Variants in ITPRID2 observed in about 807,000 individuals in gnomAD.
ITPRID2 encodes ITPR interacting domain containing 2.
A neutral mutation model predicts 124.3 loss-of-function variants in ITPRID2; 60 were observed. The ratio of observed to expected loss-of-function variants is 0.48; its 90% CI spans 0.39 to 0.60. The LOEUF (loss-of-function observed/expected upper bound fraction) is 0.60, where lower values mean the gene tolerates loss of function less well. Among genes scored for constraint, ITPRID2 ranks in the 20% least tolerant of loss-of-function variants. The probability of loss-of-function intolerance (pLI) is 0.00; values close to 1 mark genes in which losing one functional copy is unlikely to be tolerated. For synonymous variants in ITPRID2, 521 were observed against 542.9 expected, an observed-to-expected ratio of 0.96 and a Z score of 0.56; for missense variants, 1,553 against 1,512.2, an observed-to-expected ratio of 1.03 and a Z score of -0.45.
At chr2:181,921,316 A>G (rs1388839237) in intron 15 of ITPRID2, among the ~76,000 whole-genome samples, 1 of 151,970 alleles carries the variant, frequency 6.6e-6, no homozygotes, top group Admixed American at 6.5e-5. Flanking sequence ...CATCTCTACT[A>G]AAAATACAAA....
At chr2:181,899,728 C>A (rs1692507026) in intron 6 of ITPRID2, among the ~76,000 whole-genome samples, 1 of 152,138 alleles carries the variant, frequency 6.6e-6, no homozygotes, top group South Asian at 2.1e-4. Flanking sequence ...CCTGTAGTCA[C>A]AACCACTTGG....
At chr2:181,918,982 T>C in intron 13 of ITPRID2, 100 bp downstream of exon 13, 1 of 1,437,140 alleles carries the variant, frequency 7.0e-7, no homozygotes, top group Non-Finnish European at 9.4e-7. Flanking sequence ...TACTGCTGTG[T>C]ACCTTGTATC....
In ITPRID2 at chr2:181,919,261, T is replaced by G; in HGVS notation, c.2994-35T>G. ...TGTGATTAGGAATCTCCAAACTGCA[T>G]TTTTCCAATTTTGTGCCCTTCACCA... On this transcript the variant is annotated intron_variant, in intron 13 of 17. Transcript: ENST00000431877. The surrounding 1 kb of genome is among the most constrained non-coding windows in gnomAD (Gnocchi z 4.2). The G allele has an allele frequency of 6.2e-7, 1 of 1,610,924 alleles. No homozygotes were observed. The highest frequency in any genetic ancestry group is 8.5e-7 in the Non-Finnish European group (1 of 1,179,442).
At chr2:181,926,644 C>G (rs1325966183) in intron 16 of ITPRID2, among the ~76,000 whole-genome samples, 1 of 145,486 alleles carries the variant, frequency 6.9e-6, no homozygotes, top group Non-Finnish European at 1.5e-5. Flanking sequence ...ACCCAGGAGG[C>G]GGAGCTTGCA....
intron 8 of ITPRID2, among the ~76,000 whole-genome samples, chr2:181,908,586 T>A (rs993966895): frequency 6.6e-6 from 1 of 152,252 alleles, no homozygotes; most frequent in Non-Finnish European, 1.5e-5. Flanking sequence ...TCTATTTTTA[T>A]ATATCTGATC....
Position 181,913,946 on chromosome 2 carries a change from G to C in ITPRID2, c.1575+13G>C. ...TAATCATCTTCAGGTAAAATTTTCTGTTCTAATAGGCACTATGATTAACTT... is the reference window on the plus strand; with the variant it reads ...TAATCATCTTCAGGTAAAATTTTCTCTTCTAATAGGCACTATGATTAACTT... On this transcript the variant is annotated intron_variant, in intron 10 of 17. Transcript: ENST00000431877. 6.3e-7 allele frequency: 1 copy of C among 1,577,950 alleles called. No individual in the cohort carries two copies. Among genetic ancestry groups the C allele is most frequent in the African/African-American group, 1.3e-5 (1 of 74,166 alleles).
chr2:181,892,519 G>A lies in ITPRID2; in HGVS notation c.212-96G>A. On this transcript the variant is annotated intron_variant, in intron 1 of 17. Transcript: ENST00000431877. This position sits in a 1 kb window ranked among gnomAD's most constrained non-coding sequence, Gnocchi z 5.2. ...GAGACGTGTCGCTTAGGCTGCATTT[G>A]CCGTGGTAGATTTTCCTACTTGGGA... 6.8e-7 allele frequency: 1 copy of A among 1,478,322 alleles called. No homozygotes were observed. Among genetic ancestry groups the A allele is most frequent in the Non-Finnish European group, 9.5e-7 (1 of 1,058,052 alleles). 91.6% of individuals were successfully genotyped at this position (1,478,322 alleles called of 1,614,324 possible). A position where few individuals can be genotyped will look rare whatever the true frequency, so the allele number is the denominator to read the frequency against.
At chr2:181,906,528 C>G (rs1693137992) in intron 8 of ITPRID2, among the ~76,000 whole-genome samples, 1 of 152,036 alleles carries the variant, frequency 6.6e-6, no homozygotes, top group Non-Finnish European at 1.5e-5. Flanking sequence ...ATCACTTGAG[C>G]CCAGAAGTTA....
At chr2:181,917,596 C>T (rs1483990541) in intron 11 of ITPRID2, 2 of 152,288 alleles carry the variant, frequency 1.3e-5, no homozygotes, top group African/African-American at 4.8e-5. Flanking sequence ...CTGGATATCC[C>T]AGCAATAACT....
Position 181,902,139 on chromosome 2 carries a change from A to G in ITPRID2, c.1086A>G (p.Glu362=). 1 of 1,613,408 alleles carries G rather than the reference A, an allele frequency of 6.2e-7. No individual in the cohort carries two copies. Among genetic ancestry groups the G allele is most frequent in the African/African-American group, 1.3e-5 (1 of 75,052 alleles). The change falls in exon 8 of 18, where the codon GAA becomes GAG. Residue 362 remains glutamate (E), a synonymous_variant. Transcript: ENST00000431877. The surrounding 1 kb of genome is among the most constrained non-coding windows in gnomAD (Gnocchi z 4.4). ...SSSMLATVKE[E]VSGSSAAVTE... The stretch of plus-strand genomic sequence containing the variant: ...CTATGTTGGCTACAGTTAAAGAAGA[A>G]GTCTCTGGTAGTTCAGCAGCTGTTA...
At position 181,902,725 on chromosome 2, in the gene ITPRID2, AG is replaced by A; in HGVS notation, c.1413+262del. Among the ~76,000 whole-genome samples, 1 of 152,266 alleles carries A rather than the reference AG, an allele frequency of 6.6e-6. No homozygotes were observed. The highest frequency in any genetic ancestry group is 2.4e-5 in the African/African-American group (1 of 41,550). ...AACCTTAACCCTCTTTTCTCTCTCAAGGGTAAGATTTTGATGCTCAAGAAAG... is the reference window on the plus strand; with the variant it reads ...AACCTTAACCCTCTTTTCTCTCTCAAGGTAAGATTTTGATGCTCAAGAAAG... On this transcript the variant is annotated intron_variant, in intron 8 of 17. Transcript: ENST00000431877. This position sits in a 1 kb window ranked among gnomAD's most constrained non-coding sequence, Gnocchi z 4.4.
intron 16 of ITPRID2, among the ~76,000 whole-genome samples, chr2:181,923,405 T>C (rs1456938341): frequency 1.3e-5 from 2 of 152,228 alleles, no homozygotes; most frequent in Non-Finnish European, 2.9e-5. Flanking sequence ...ATATCTGTAA[T>C]TTATTTTCAT....
intron 7 of ITPRID2, 48 bp from the exon 8 acceptor site, chr2:181,901,718 G>GTA (rs1337044363): frequency 7.8e-6 from 10 of 1,278,686 alleles, no homozygotes; most frequent in Admixed American, 5.2e-5. Flanking sequence ...ATATGTGTAT[G>GTA]TATATATATA....
chr2:181,900,638 T>A (rs1692585027), intron 6 of ITPRID2, 58 bp from the exon 7 acceptor site: 1 of 1,202,870 alleles, frequency 8.3e-7, no homozygotes, highest in Non-Finnish European at 1.2e-6. Flanking sequence ...TAATGTGGTG[T>A]GGACTATCAA....
rs748019818 is a variant in ITPRID2, at chr2:181,901,912, A to G, written c.859A>G (p.Thr287Ala). Residue 287 changes from threonine to alanine, a missense_variant, in exon 8 of 18, where the codon ACT (threonine) becomes GCT (alanine). Thr to Ala is a moderately conservative substitution (Grantham distance 58). Transcript: ENST00000431877. ...NKETDPPPPLTRSNTANRLMK... is the reference protein window; with the variant it reads ...NKETDPPPPLARSNTANRLMK... ...GGAGACAGACCCACCTCCACCTTTA[A>G]CTCGAAGTAACACTGCAAATCGTTT... The G allele has an allele frequency of 6.2e-7, 1 of 1,613,852 alleles. No individual in the cohort carries two copies. The highest frequency in any genetic ancestry group is 1.1e-5 in the South Asian group (1 of 91,064).
rs768335605 is a variant in ITPRID2 at position 181,929,677 on chromosome 2, G to C, written c.*130G>C. On this transcript the variant is annotated 3_prime_UTR_variant, in exon 18 of 18. Coordinates refer to ENST00000431877, the MANE Select transcript of ITPRID2 (RefSeq NM_001130445.3). ...GTTGAGCTGGGCTACTGTATACAGT[G>C]TACAATGTGTATTTCTTCAACCATA... 3.4e-6 allele frequency: 5 copies of C among 1,486,354 alleles called. No individual in the cohort carries two copies. In the South Asian group the frequency reaches 6.3e-5, roughly 19 times the overall value. 92.1% of individuals were successfully genotyped at this position (1,486,354 alleles called of 1,614,324 possible).
At position 181,910,969 on chromosome 2, in the gene ITPRID2, T is replaced by C. The variant is rs1398481486; in HGVS notation, c.1486+998T>C. On this transcript the variant is annotated intron_variant, in intron 9 of 17. Transcript: ENST00000431877. The surrounding 1 kb of genome is among the most constrained non-coding windows in gnomAD (Gnocchi z 4.1). ...TCAAGAAGTGTTTGCTTTAGATAGG[T>C]AGACAGGGGATACATTGGAAAAAGC... Among the ~76,000 whole-genome samples the C allele has an allele frequency of 6.6e-6, 1 of 152,124 alleles. No individual in the cohort carries two copies. Among genetic ancestry groups the C allele is most frequent in the African/African-American group, 2.4e-5 (1 of 41,424 alleles).
Position 181,919,518 on chromosome 2 carries a change from G to A in ITPRID2, c.3144+72G>A. The A allele has an allele frequency of 4.2e-6, 6 of 1,436,044 alleles. No homozygotes were observed. The South Asian group carries it at 8.9e-5, about 21-fold the overall frequency. The allele number at this position is 1,436,044 out of a possible 1,614,324, so 89.0% of individuals were successfully genotyped here. A position where few individuals can be genotyped will look rare whatever the true frequency, so the allele number is the denominator to read the frequency against. Reference sequence around the variant, plus strand: ...ATAATGTTCCAATAATTTAGGACGTGTGCCTTCATTTCAAGTCATTTATTT... The same window carrying A: ...ATAATGTTCCAATAATTTAGGACGTATGCCTTCATTTCAAGTCATTTATTT... On this transcript the variant is annotated intron_variant, in intron 14 of 17. Transcript: ENST00000431877. The surrounding 1 kb of genome is among the most constrained non-coding windows in gnomAD (Gnocchi z 4.2).
At chr2:181,906,393 G>A (rs374562668) in intron 8 of ITPRID2, among the ~76,000 whole-genome samples, 13 of 152,090 alleles carry the variant, frequency 8.5e-5, no homozygotes, top group African/African-American at 2.9e-4. Context: ...AGTTACATTT[G>A]ATCACCCCAA....
Sources: gnomAD v4.1 joint callset for allele counts (sites outside exome capture counted in the v4.1 genomes callset) on GRCh38, gnomAD v4.1.1 for gene constraint, Gnocchi (gnomAD v3.1) non-coding constraint, MANE v1.5 for transcripts, NCBI Gene and HGNC (gene_info 2026-07-23, HGNC 2026-07-21) for gene names.